Variants in PAQR4 observed in about 807,000 individuals in gnomAD.
The protein encoded by PAQR4 is progestin and adipoQ receptor family member IV.
In PAQR4, 26 loss-of-function variants were observed where a neutral mutation model predicts 20.9. The observed-to-expected ratio is 1.24, with a 90% CI of 0.91 to 1.73. The LOEUF is 1.73. Ranked by LOEUF, PAQR4 falls within the 40% of genes most tolerant of loss-of-function variation. The pLI is 0.00. For synonymous variants in PAQR4, 193 were observed against 171.6 expected, an observed-to-expected ratio of 1.12 and a Z score of -0.97; for missense variants, 400 against 380.1, an observed-to-expected ratio of 1.05 and a Z score of -0.44.
chr16:2,972,648 T>C lies in PAQR4; in HGVS notation c.*700T>C. 3 of 1,535,754 alleles carry C rather than the reference T, an allele frequency of 2.0e-6. No individual in the cohort carries two copies. Among genetic ancestry groups the C allele is most frequent in the Middle Eastern group, 1.7e-4 (1 of 5,954 alleles). On this transcript the variant is annotated 3_prime_UTR_variant, in exon 3 of 3. Coordinates refer to ENST00000318782, the MANE Select transcript of PAQR4 (RefSeq NM_152341.5). ...CCAGGTACCCACCGGGGGATGTGCC[T>C]GCTCAGGAAACCTCTTTGCTCCACA...
In PAQR4 at chr16:2,973,351, T is replaced by A. The variant is rs895878336; in HGVS notation, c.*1403T>A. The A allele has an allele frequency of 2.6e-6, 4 of 1,543,254 alleles. No individual in the cohort carries two copies. In the African/African-American group the frequency reaches 5.5e-5, roughly 21 times the overall value. On this transcript the variant is annotated 3_prime_UTR_variant, in exon 3 of 3. Coordinates refer to ENST00000318782, the MANE Select transcript of PAQR4 (RefSeq NM_152341.5). ...AGCCACAGTCAGGGACAATAAAAACTTGGTGCACTCTGAAAGCAGCACTTG... is the reference window on the plus strand; with the variant it reads ...AGCCACAGTCAGGGACAATAAAAACATGGTGCACTCTGAAAGCAGCACTTG...
rs1773320099 is a variant in PAQR4 at position 2,971,164 on chromosome 16, C to T, written c.174C>T (p.Ala58=). The change falls in exon 2 of 3, where the codon GCC becomes GCT. Residue 58 remains alanine, a synonymous_variant. Transcript: ENST00000318782. ...ELGNIYTHGL[A]LLGFLVLVPM... ...GACTGTCTCCCTCCCTAGGGCTGGC[C>T]CTGCTGGGCTTCCTGGTGCTGGTGC... is the stretch of plus-strand genomic sequence containing the variant. The T allele has an allele frequency of 2.5e-6, 4 of 1,613,078 alleles. No homozygotes were observed. Among genetic ancestry groups the T allele is most frequent in the Non-Finnish European group, 2.5e-6 (3 of 1,179,900 alleles).
At position 2,971,930 on chromosome 16, in the gene PAQR4, C is replaced by T. The variant is rs531023235; in HGVS notation, c.804C>T (p.His268=). Residue 268 remains histidine (H), a synonymous_variant, in exon 3 of 3, where the codon CAC becomes CAT. Coordinates refer to ENST00000318782, the MANE Select transcript of PAQR4 (RefSeq NM_152341.5). ...CCGACCTGCTCTGGGCTGCCCACCA[C>T]GCCTGTCCCCGGGACTGAGCTGCCA... The part of the protein sequence containing the change: ...VVPDLLWAAH[H]ACPRD 30 of 1,593,356 alleles carry T rather than the reference C, an allele frequency of 1.9e-5. No homozygotes were observed. The highest frequency in any genetic ancestry group is 8.9e-5 in the East Asian group (4 of 44,702).
In PAQR4 at chr16:2,972,589, G is replaced by GC; in HGVS notation, c.*644dup. ...ATCCTGGGACCCCTGGGCCGTGCCT[G>GC]CCCTCCACCTTGAGTGCCATACTCC... On this transcript the variant is annotated 3_prime_UTR_variant, in exon 3 of 3. Coordinates refer to ENST00000318782, the MANE Select transcript of PAQR4 (RefSeq NM_152341.5). 1 of 1,526,554 alleles carries GC rather than the reference G, an allele frequency of 6.6e-7. No homozygotes were observed. The highest frequency in any genetic ancestry group is 8.8e-7 in the Non-Finnish European group (1 of 1,140,988). The allele number at this position is 1,526,554 out of a possible 1,614,324, so 94.6% of individuals were successfully genotyped here.
rs2072019858 is a variant in PAQR4 at position 2,972,378 on chromosome 16, A to G, written c.*430A>G. The G allele has an allele frequency of 3.7e-6, 2 of 544,986 alleles. No homozygotes were observed. Among genetic ancestry groups the G allele is most frequent in the Non-Finnish European group, 6.5e-6 (2 of 306,162 alleles). 33.8% of individuals were successfully genotyped at this position (544,986 alleles called of 1,614,324 possible). A position where few individuals can be genotyped will look rare whatever the true frequency, so the allele number is the denominator to read the frequency against. On this transcript the variant is annotated 3_prime_UTR_variant, in exon 3 of 3. Transcript: ENST00000318782. Reference sequence around the variant, plus strand: ...CCTGATCTCCATCTTTCTGCCCTGCATACCAGCCCTCCCAGCAGCCACAAG... The same window carrying G: ...CCTGATCTCCATCTTTCTGCCCTGCGTACCAGCCCTCCCAGCAGCCACAAG...
chr16:2,969,860 G>A lies in PAQR4; in HGVS notation c.166+20G>A. ...CGCACGGTGAGCCGCGTCCCGCAAC[G>A]CGCTTCCCACACCCCCGGCCGCCCT... On this transcript the variant is annotated intron_variant, in intron 1 of 2. Transcript: ENST00000318782. The A allele has an allele frequency of 6.2e-7, 1 of 1,607,368 alleles. No homozygotes were observed. The highest frequency in any genetic ancestry group is 8.5e-7 in the Non-Finnish European group (1 of 1,177,620).
Position 2,971,873 on chromosome 16 carries a change from C to A in PAQR4, c.747C>A (p.Gly249=). Residue 249 remains glycine (G), a synonymous_variant, in exon 3 of 3, where the codon GGC becomes GGA. Coordinates refer to ENST00000318782, the MANE Select transcript of PAQR4 (RefSeq NM_152341.5). ...SHQIMHLLSV[G]SILQLHAGVV... is the part of the protein sequence containing the mutation. Reference sequence around the variant, plus strand: ...AGATCATGCACCTGCTGAGCGTGGGCTCCATCCTGCAGCTGCACGCCGGCG... The same window carrying A: ...AGATCATGCACCTGCTGAGCGTGGGATCCATCCTGCAGCTGCACGCCGGCG... 1 of 1,611,484 alleles carries A rather than the reference C, an allele frequency of 6.2e-7. No individual in the cohort carries two copies. Among genetic ancestry groups the A allele is most frequent in the Non-Finnish European group, 8.5e-7 (1 of 1,179,846 alleles).
In PAQR4 at chr16:2,969,521, C is replaced by T. The variant is rs1211851419; in HGVS notation, c.-154C>T. 15 of 756,752 alleles carry T rather than the reference C, an allele frequency of 2.0e-5. No homozygotes were observed. The highest frequency in any genetic ancestry group is 7.4e-5 in the African/African-American group (4 of 53,978). 46.9% of individuals were successfully genotyped at this position (756,752 alleles called of 1,614,324 possible). On this transcript the variant is annotated 5_prime_UTR_variant, in exon 1 of 3. Coordinates refer to ENST00000318782, the MANE Select transcript of PAQR4 (RefSeq NM_152341.5). Reference sequence around the variant, plus strand: ...AGCGCCGGAGGGGCGCGGGCTGGGACCCCCTAGCCAGCGCGTGCGCCGATC... The same window carrying T: ...AGCGCCGGAGGGGCGCGGGCTGGGATCCCCTAGCCAGCGCGTGCGCCGATC...
chr16:2,972,168 T>G lies in PAQR4; in HGVS notation c.*220T>G, dbSNP rs946409348. 2 of 573,876 alleles carry G rather than the reference T, an allele frequency of 3.5e-6. No individual in the cohort carries two copies. The highest frequency in any genetic ancestry group is 6.1e-6 in the Non-Finnish European group (2 of 330,210). 35.5% of individuals were successfully genotyped at this position (573,876 alleles called of 1,614,324 possible). On this transcript the variant is annotated 3_prime_UTR_variant, in exon 3 of 3. Transcript: ENST00000318782. ...GCCTTTTCCCTCCAAGCTCCTATTTTACTGTGTCAGCTGGAAGGAAACCTT... is the reference window on the plus strand; with the variant it reads ...GCCTTTTCCCTCCAAGCTCCTATTTGACTGTGTCAGCTGGAAGGAAACCTT...
intron 2 of PAQR4, 28 bp from the exon 3 acceptor site, chr16:2,971,487 C>A (rs958032238): frequency 1.9e-6 from 3 of 1,575,434 alleles, no homozygotes; most frequent in African/African-American, 2.7e-5. Flanking sequence ...CAATGACATG[C>A]CCTCTCCTGT....
At position 2,971,351 on chromosome 16, in the gene PAQR4, T is replaced by C; in HGVS notation, c.361T>C (p.Cys121Arg). 1 of 1,610,606 alleles carries C rather than the reference T, an allele frequency of 6.2e-7. No homozygotes were observed. Among genetic ancestry groups the C allele is most frequent in the Non-Finnish European group, 8.5e-7 (1 of 1,179,960 alleles). ...CGCCCGGCTCCTCGCCCTGGACATG[T>C]GTGGGGTCTGCCTTGTCAACACCCT... is the stretch of plus-strand genomic sequence containing the variant. ...VYARLLALDMCGVCLVNTLGA... is the reference protein window; with the variant it reads ...VYARLLALDMRGVCLVNTLGA... Residue 121 changes from cysteine to arginine, a missense_variant, in exon 2 of 3, where the codon TGT becomes CGT. Physicochemically the swap from Cys to Arg is radical, Grantham distance 180 (BLOSUM62 -3). Coordinates refer to ENST00000318782, the MANE Select transcript of PAQR4 (RefSeq NM_152341.5).
Position 2,972,692 on chromosome 16 carries a change from G to A in PAQR4, c.*744G>A. The A allele has an allele frequency of 6.5e-7, 1 of 1,535,902 alleles. No individual in the cohort carries two copies. Among genetic ancestry groups the A allele is most frequent in the Non-Finnish European group, 8.7e-7 (1 of 1,146,816 alleles). On this transcript the variant is annotated 3_prime_UTR_variant, in exon 3 of 3. Transcript: ENST00000318782. ...CTCCACACAGCATGGGGCTTCAGCT[G>A]CTGGCCCAAGGCCAGGAGCGCTGGG...
chr16:2,971,590 T>C lies in PAQR4; in HGVS notation c.464T>C (p.Val155Ala). The stretch of plus-strand genomic sequence containing the variant: ...CCGGCTGCCCTGGTGGGCTACACTG[T>C]GTTGTCGGGTGTGGCCGGCTGGCGT... ...LRPAALVGYT[V>A]LSGVAGWRAL... The change falls in exon 3 of 3, where the codon GTG becomes GCG. Residue 155 changes from valine to alanine, a missense_variant. Transcript: ENST00000318782. 1.2e-6 allele frequency: 2 copies of C among 1,601,840 alleles called. No homozygotes were observed. The highest frequency in any genetic ancestry group is 8.5e-7 in the Non-Finnish European group (1 of 1,179,730).
chr16:2,972,577 TG>T lies in PAQR4; in HGVS notation c.*632del. On this transcript the variant is annotated 3_prime_UTR_variant, in exon 3 of 3. Transcript: ENST00000318782. ...CAGCGGCCTCAGATCCTGGGACCCC[TG>T]GGCCGTGCCTGCCCTCCACCTTGAG... 1 of 1,519,904 alleles carries T rather than the reference TG, an allele frequency of 6.6e-7. No individual in the cohort carries two copies. The highest frequency in any genetic ancestry group is 8.8e-7 in the Non-Finnish European group (1 of 1,136,802). 94.2% of individuals were successfully genotyped at this position (1,519,904 alleles called of 1,614,324 possible).
At position 2,971,653 on chromosome 16, in the gene PAQR4, C is replaced by T. The variant is rs771271678; in HGVS notation, c.527C>T (p.Ala176Val). 6 of 1,610,354 alleles carry T rather than the reference C, an allele frequency of 3.7e-6. No homozygotes were observed. Among genetic ancestry groups the T allele is most frequent in the Non-Finnish European group, 5.1e-6 (6 of 1,179,878 alleles). Residue 176 changes from alanine (A) to valine (V), a missense_variant, in exon 3 of 3, where the codon GCA becomes GTA. Coordinates refer to ENST00000318782, the MANE Select transcript of PAQR4 (RefSeq NM_152341.5). The stretch of plus-strand genomic sequence containing the variant: ...CCCTCCACCAGTGCTCGGCTCCGGG[C>T]ATTTGGATGGCAGGCTGCTGCCCGC... ...TAPSTSARLR[A>V]FGWQAAARLL...
At chr16:2,970,911 C>G (rs1438424929) in intron 1 of PAQR4, 1 of 600,302 alleles carries the variant, frequency 1.7e-6, no homozygotes, top group African/African-American at 1.9e-5. Flanking sequence ...CTCAGCCCCT[C>G]CAAGTCTGTT....
Position 2,973,358 on chromosome 16 carries a change from A to G in PAQR4, c.*1410A>G, listed in dbSNP as rs1377488657. On this transcript the variant is annotated 3_prime_UTR_variant, in exon 3 of 3. Coordinates refer to ENST00000318782, the MANE Select transcript of PAQR4 (RefSeq NM_152341.5). ...GTCAGGGACAATAAAAACTTGGTGC[A>G]CTCTGAAAGCAGCACTTGGACAGCC... 5.8e-6 allele frequency: 9 copies of G among 1,542,688 alleles called. No homozygotes were observed. The highest frequency in any genetic ancestry group is 7.9e-6 in the Non-Finnish European group (9 of 1,146,078).
At position 2,971,497 on chromosome 16, in the gene PAQR4, T is replaced by C. The variant is rs765653358; in HGVS notation, c.389-18T>C. The C allele has an allele frequency of 6.3e-7, 1 of 1,578,428 alleles. No individual in the cohort carries two copies. The highest frequency in any genetic ancestry group is 8.6e-7 in the Non-Finnish European group (1 of 1,166,410). Reference sequence around the variant, plus strand: ...CCTCACAATGACATGCCCTCTCCTGTTCTCTCCTCTTGTGCAGGGGCCCTG... The same window carrying C: ...CCTCACAATGACATGCCCTCTCCTGCTCTCTCCTCTTGTGCAGGGGCCCTG... On this transcript the variant is annotated intron_variant, in intron 2 of 2. Transcript: ENST00000318782.
At position 2,969,792 on chromosome 16, in the gene PAQR4, C is replaced by T. The variant is rs370113993; in HGVS notation, c.118C>T (p.Arg40Cys). ...CGCCAGCAGCGGCTCGGGCTGCCTGCGCAGCCTCTTCTACCTGCACAACGA... is the reference window on the plus strand; with the variant it reads ...CGCCAGCAGCGGCTCGGGCTGCCTGTGCAGCCTCTTCTACCTGCACAACGA... ...RPASSGSGCL[R>C]SLFYLHNELG... is the part of the protein sequence containing the mutation. Residue 40 changes from arginine (R) to cysteine (C), a missense_variant, in exon 1 of 3, where the codon CGC (arginine) becomes TGC (cysteine). Physicochemically the swap from Arg to Cys is radical, Grantham distance 180 (BLOSUM62 -3). Coordinates refer to ENST00000318782, the MANE Select transcript of PAQR4 (RefSeq NM_152341.5). 1.5e-4 allele frequency: 234 copies of T among 1,607,916 alleles called. No individual in the cohort carries two copies. Among genetic ancestry groups the T allele is most frequent in the Non-Finnish European group, 1.9e-4 (228 of 1,178,000 alleles).
Sources: allele counts gnomAD v4.1 joint callset, GRCh38; gene constraint gnomAD v4.1.1; transcripts MANE v1.5; gene names NCBI Gene and HGNC (gene_info 2026-07-23, HGNC 2026-07-21).